The following RBFOX1 variants were observed in gnomAD, a reference collection of about 807,000 sequenced individuals.
RBFOX1 encodes the protein RNA binding fox-1 homolog 1, also known as RNA binding protein fox-1 homolog 1.
Under a neutral mutation model 57.7 loss-of-function variants are expected in RBFOX1, and 8 were observed. That is an observed-to-expected ratio of 0.14 (90% CI 0.08 to 0.25). RBFOX1 has a LOEUF of 0.25. Among genes scored for constraint, RBFOX1 ranks in the 10% least tolerant of loss-of-function variants. The pLI is 1.00. For synonymous variants in RBFOX1, 326 were observed against 222.4 expected (o/e 1.47, Z -4.15); for missense variants, 611 against 548.5 (o/e 1.11, Z -1.14).
intron 4 of RBFOX1, among the ~76,000 whole-genome samples, chr16:7,516,236 A>G (rs2076325938): frequency 6.6e-6 from 1 of 152,080 alleles, no homozygotes; most frequent in Non-Finnish European, 1.5e-5. Flanking sequence ...AACTACAGCA[A>G]AATCCCAGGG....
At chr16:7,464,766 G>A (rs2060202460) in intron 4 of RBFOX1, among the ~76,000 whole-genome samples, 1 of 135,924 alleles carries the variant, frequency 7.4e-6, no homozygotes, top group African/African-American at 2.8e-5. Context: ...GCGTGATCTC[G>A]GCTCACTTCA....
intron 3 of RBFOX1, among the ~76,000 whole-genome samples, chr16:6,881,719 A>G (rs1255626038): frequency 2.6e-5 from 4 of 152,156 alleles, no homozygotes; most frequent in Non-Finnish European, 2.9e-5. Flanking sequence ...TGCGGGGACA[A>G]TTTAACACAT....
At chr16:7,053,141 C>T (rs766715778) in intron 4 of RBFOX1, among the ~76,000 whole-genome samples, 7 of 152,166 alleles carry the variant, frequency 4.6e-5, no homozygotes, top group African/African-American at 1.4e-4. Flanking sequence ...AGAGTTGCTT[C>T]CATTTCACAG....
chr16:5,510,157 C>G (rs987936020), intron 2 of RBFOX1, among the ~76,000 whole-genome samples: 1 of 152,228 alleles, frequency 6.6e-6, no homozygotes, highest in Non-Finnish European at 1.5e-5. Context: ...TATTTAACCT[C>G]TCTGTGCCTC....
intron 1 of RBFOX1, among the ~76,000 whole-genome samples, chr16:5,462,496 G>T (rs1225977788): frequency 6.6e-6 from 1 of 152,164 alleles, no homozygotes; most frequent in African/African-American, 2.4e-5. Flanking sequence ...AATGCACATG[G>T]AACACCTGTG....
intron 3 of RBFOX1, among the ~76,000 whole-genome samples, chr16:6,778,700 CTTAAA>C (rs770981321): frequency 1.8e-4 from 28 of 151,994 alleles, no homozygotes; most frequent in African/African-American, 2.9e-4. Context: ...TCTTAGAATT[CTTAAA>C]TTAAAGAAAC....
At chr16:6,661,565 CT>C (rs1374917401) in intron 3 of RBFOX1, among the ~76,000 whole-genome samples, 3 of 152,170 alleles carry the variant, frequency 2.0e-5, no homozygotes, top group African/African-American at 7.2e-5. Flanking sequence ...CAAGAAGGTA[CT>C]TAAACTAGTA....
intron 1 of RBFOX1, among the ~76,000 whole-genome samples, chr16:5,300,776 C>T (rs1449136768): frequency 6.6e-6 from 1 of 151,940 alleles, no homozygotes; most frequent in East Asian, 1.9e-4. Context: ...TGAATTTATT[C>T]ACAAAATCAA....
chr16:6,754,648 G>A (rs2075493256), intron 3 of RBFOX1, among the ~76,000 whole-genome samples: 1 of 152,044 alleles, frequency 6.6e-6, no homozygotes, highest in East Asian at 1.9e-4. Context: ...CGGGGATGTT[G>A]TTTTAGAGGT....
At chr16:6,767,956 G>A (rs76299929) in intron 3 of RBFOX1, among the ~76,000 whole-genome samples, 1,763 of 98,764 alleles carry the variant, frequency 0.018, 22 homozygotes, top group South Asian at 0.031. Flanking sequence ...ATAAGAAGAA[G>A]AAGAAGAAGA....
chr16:5,387,685 A>G (rs979561769), intron 1 of RBFOX1, among the ~76,000 whole-genome samples: 2 of 152,180 alleles, frequency 1.3e-5, no homozygotes, highest in Non-Finnish European at 2.9e-5. Flanking sequence ...TGAAAGGTGG[A>G]ATGTTTCCCC....
chr16:7,401,717 G>A (rs1237790127), intron 4 of RBFOX1, among the ~76,000 whole-genome samples: 2 of 152,120 alleles, frequency 1.3e-5, no homozygotes, highest in African/African-American at 4.8e-5. Context: ...ATGACAGTGA[G>A]GTAATGAGGA....
intron 4 of RBFOX1, among the ~76,000 whole-genome samples, chr16:7,118,019 A>G (rs2066292615): frequency 6.6e-6 from 1 of 152,204 alleles, no homozygotes; most frequent in Admixed American, 6.5e-5. Flanking sequence ...GCAATTGTGA[A>G]TTGTGCTGCA....
At chr16:5,660,864 G>T (rs1223891896) in intron 3 of RBFOX1, among the ~76,000 whole-genome samples, 1 of 152,106 alleles carries the variant, frequency 6.6e-6, no homozygotes, top group African/African-American at 2.4e-5. Flanking sequence ...TTCTGAGCTG[G>T]CTTTCCTATG....
chr16:7,173,885 A>T (rs188101747), intron 4 of RBFOX1, among the ~76,000 whole-genome samples: 26 of 152,344 alleles, frequency 1.7e-4, no homozygotes, highest in African/African-American at 6.3e-4. Context: ...TATTATGCTC[A>T]GTGGTTTCTC....
intron 3 of RBFOX1, among the ~76,000 whole-genome samples, chr16:6,927,414 C>CAAAAAAAAAAAAAAAAAAAAAA (rs1194663760): frequency 3.8e-5 from 2 of 53,144 alleles, no homozygotes; most frequent in Admixed American, 3.0e-4. Context: ...CGCTTTCTCA[C>CAAAAAAAAAAAAAAAAAAAAAA]AAAAAAAAAA....
chr16:5,452,705 G>A (rs550294671), intron 1 of RBFOX1, among the ~76,000 whole-genome samples: 91 of 151,338 alleles, frequency 6.0e-4, no homozygotes, highest in African/African-American at 9.5e-4. Context: ...GTGCAATGGC[G>A]TGGTCCTGGC....
At chr16:5,804,446 C>A (rs2055162889) in intron 3 of RBFOX1, among the ~76,000 whole-genome samples, 1 of 152,170 alleles carries the variant, frequency 6.6e-6, no homozygotes, top group Admixed American at 6.5e-5. Context: ...GTATCCTGTT[C>A]ATTGATAAGG....
At chr16:6,556,039 G>C (rs953178124) in intron 2 of RBFOX1, among the ~76,000 whole-genome samples, 13 of 152,074 alleles carry the variant, frequency 8.5e-5, no homozygotes, top group South Asian at 2.1e-4. Context: ...TGAGGCACTA[G>C]GGCATTTTGA....
Sources: allele counts gnomAD v4.1 joint callset (sites outside exome capture counted in the v4.1 genomes callset), GRCh38; gene constraint gnomAD v4.1.1; transcripts MANE v1.5; gene names NCBI Gene and HGNC (gene_info 2026-07-23, HGNC 2026-07-21).